Variants in ACSS2 observed in about 807,000 individuals in gnomAD.
The protein encoded by ACSS2 is acetyl-coenzyme A synthetase, cytoplasmic.
Under a neutral mutation model 90.6 loss-of-function variants are expected in ACSS2, and 58 were observed. That is an observed-to-expected ratio of 0.64 (90% CI 0.52 to 0.80). The LOEUF (loss-of-function observed/expected upper bound fraction) is 0.80. Among genes scored for constraint, ACSS2 ranks in the 30% least tolerant of loss-of-function variants. ACSS2 has a pLI of 0.00. For missense variants in ACSS2, 759 were observed against 912.0 expected, an observed-to-expected ratio of 0.83 and a Z score of 2.16; for synonymous variants, 300 against 330.9, an observed-to-expected ratio of 0.91 and a Z score of 1.01.
chr20:34,885,718 C>T (rs2080175456), intron 2 of ACSS2, among the ~76,000 whole-genome samples: 1 of 152,112 alleles, frequency 6.6e-6, no homozygotes, highest in South Asian at 2.1e-4. Context: ...ACACTTTTTG[C>T]CAGCATGCTA....
At chr20:34,898,981 A>C (rs1327311126) in intron 2 of ACSS2, among the ~76,000 whole-genome samples, 1 of 152,184 alleles carries the variant, frequency 6.6e-6, no homozygotes, top group Non-Finnish European at 1.5e-5. Flanking sequence ...CGAGAAATGG[A>C]GCGCAGTGCT....
At chr20:34,879,844 T>C (rs1341044431) in intron 1 of ACSS2, among the ~76,000 whole-genome samples, 1 of 152,254 alleles carries the variant, frequency 6.6e-6, no homozygotes, top group Non-Finnish European at 1.5e-5. Flanking sequence ...GAAAATATTT[T>C]TGAGTATTTG....
At chr20:34,882,493 G>A (rs992154875) in intron 1 of ACSS2, among the ~76,000 whole-genome samples, 9 of 151,990 alleles carry the variant, frequency 5.9e-5, no homozygotes, top group Admixed American at 2.0e-4. Flanking sequence ...GTGGTGGCAC[G>A]CGCCTGTAGT....
chr20:34,889,610 C>G (rs2080286313), intron 2 of ACSS2, among the ~76,000 whole-genome samples: 1 of 152,124 alleles, frequency 6.6e-6, no homozygotes. Context: ...TCTATTTAGG[C>G]TCTATCTTTT....
chr20:34,883,695 A>C (rs1004209691), intron 2 of ACSS2, among the ~76,000 whole-genome samples: 2 of 152,356 alleles, frequency 1.3e-5, no homozygotes, highest in Non-Finnish European at 2.9e-5. Flanking sequence ...GAATAAGGTC[A>C]TAGAGTGAAT....
intron 2 of ACSS2, among the ~76,000 whole-genome samples, chr20:34,902,681 T>C (rs2080694439): frequency 6.6e-6 from 1 of 151,984 alleles, no homozygotes; most frequent in Non-Finnish European, 1.5e-5. Flanking sequence ...GGAGGTGATA[T>C]GATCTGATTT....
intron 2 of ACSS2, among the ~76,000 whole-genome samples, chr20:34,895,042 TG>T (rs2080429786): frequency 6.6e-6 from 1 of 152,108 alleles, no homozygotes; most frequent in Non-Finnish European, 1.5e-5. Context: ...ATTCTGATGT[TG>T]GGGGGAGGGA....
upstream of ACSS2, chr20:34,876,564 C>A (rs895160337): frequency 1.6e-6 from 2 of 1,278,794 alleles, no homozygotes; most frequent in African/African-American, 1.5e-5. Context: ...TACGGAGGCC[C>A]CGCCTCTAGT....
intron 1 of ACSS2, among the ~76,000 whole-genome samples, chr20:34,880,721 A>G (rs890564737): frequency 6.6e-6 from 1 of 151,940 alleles, no homozygotes; most frequent in South Asian, 2.1e-4. Flanking sequence ...AATTTTTACT[A>G]GTTTTCTAGG....
intron 2 of ACSS2, among the ~76,000 whole-genome samples, chr20:34,910,913 C>T (rs113788872): frequency 7.9e-5 from 12 of 152,238 alleles, no homozygotes; most frequent in African/African-American, 2.6e-4. Context: ...GGCTTGACCT[C>T]CAGGGTACAA....
chr20:34,927,461 C>A lies in ACSS2; in HGVS notation c.*247C>A. ...ACTGCAGAGCTCTCAGAACCCAGAA[C>A]AGAGACGAAAAGGCTACCTCTCCTA... On this transcript the variant is annotated 3_prime_UTR_variant, in exon 18 of 18. Coordinates refer to ENST00000360596, the MANE Select transcript of ACSS2 (RefSeq NM_018677.4). The surrounding 1 kb of genome is among the most constrained non-coding windows in gnomAD (Gnocchi z 4.2). 1.8e-6 allele frequency: 1 copy of A among 554,764 alleles called. No homozygotes were observed. Among genetic ancestry groups the A allele is most frequent in the Non-Finnish European group, 3.2e-6 (1 of 311,728 alleles). 34.4% of individuals were successfully genotyped at this position (554,764 alleles called of 1,614,324 possible). A position where few individuals can be genotyped will look rare whatever the true frequency, so the allele number is the denominator to read the frequency against.
chr20:34,899,974 T>C (rs1445687319), intron 2 of ACSS2, among the ~76,000 whole-genome samples: 1 of 152,200 alleles, frequency 6.6e-6, no homozygotes, highest in Non-Finnish European at 1.5e-5. Context: ...ATTTAACCTA[T>C]TGAGGAACTG....
chr20:34,924,862 G>A (rs1345183728), intron 14 of ACSS2, among the ~76,000 whole-genome samples: 4 of 151,966 alleles, frequency 2.6e-5, no homozygotes, highest in Non-Finnish European at 5.9e-5. Context: ...ACCATGCCTG[G>A]CTAATTTTTG....
chr20:34,904,851 T>C (rs143012243), intron 2 of ACSS2, among the ~76,000 whole-genome samples: 2 of 151,470 alleles, frequency 1.3e-5, no homozygotes, highest in Non-Finnish European at 2.9e-5. Flanking sequence ...CCCCATGTTA[T>C]CCCACCAGCT....
Position 34,926,892 on chromosome 20 carries a change from G to A in ACSS2, c.1919G>A (p.Gly640Asp). Residue 640 changes from glycine (G) to aspartate (D), a missense_variant, in exon 17 of 18, where the codon GGC becomes GAC. Physicochemically the swap from Gly to Asp is moderately conservative, Grantham distance 94. Transcript: ENST00000360596. Reference sequence around the variant, plus strand: ...TTGGTTACAGTTAGAGAAAAGATTGGCCCCATTGCCACACCAGACTACATC... The same window carrying A: ...TTGGTTACAGTTAGAGAAAAGATTGACCCCATTGCCACACCAGACTACATC... ...ELKKQIREKI[G>D]PIATPDYIQN... The A allele has an allele frequency of 6.2e-7, 1 of 1,614,102 alleles. No individual in the cohort carries two copies. Among genetic ancestry groups the A allele is most frequent in the Non-Finnish European group, 8.5e-7 (1 of 1,180,026 alleles).
intron 2 of ACSS2, among the ~76,000 whole-genome samples, chr20:34,896,258 A>G (rs950754163): frequency 1.3e-5 from 2 of 152,258 alleles, no homozygotes; most frequent in African/African-American, 2.4e-5. Context: ...ACAGGGTACA[A>G]TAATAGCCCA....
At chr20:34,924,698 TTG>T (rs1292281810) in intron 14 of ACSS2, among the ~76,000 whole-genome samples, 18 of 105,904 alleles carry the variant, frequency 1.7e-4, no homozygotes, top group South Asian at 1.3e-3. Flanking sequence ...GTTGTTGTTG[TTG>T]TTGTTTGTTT....
Position 34,921,609 on chromosome 20 carries a change from T to C in ACSS2, c.1467+9T>C. On this transcript the variant is annotated intron_variant, in intron 12 of 17. Transcript: ENST00000360596. ...TGAAACCCGGTTCTGCTGTGAGTGA[T>C]GCTTCCCTGGCTGGTCTTGGGCTAG... is the stretch of plus-strand genomic sequence containing the variant. 6.2e-7 allele frequency: 1 copy of C among 1,614,232 alleles called. No individual in the cohort carries two copies. Among genetic ancestry groups the C allele is most frequent in the Non-Finnish European group, 8.5e-7 (1 of 1,180,044 alleles).
chr20:34,914,239 T>C (rs2081029793), intron 6 of ACSS2, 68 bp downstream of exon 6: 6 of 1,607,328 alleles, frequency 3.7e-6, no homozygotes, highest in Non-Finnish European at 5.1e-6. Context: ...CTTTGTCCCC[T>C]CTACCCTAAA....
Sources: gnomAD v4.1 joint callset for allele counts (sites outside exome capture counted in the v4.1 genomes callset) on GRCh38, gnomAD v4.1.1 for gene constraint, Gnocchi (gnomAD v3.1) non-coding constraint, MANE v1.5 for transcripts, NCBI Gene and HGNC (gene_info 2026-07-23, HGNC 2026-07-21) for gene names.